The following PRUNE2 variants were observed in gnomAD, a reference collection of about 807,000 sequenced individuals.
The protein encoded by PRUNE2 is prune homolog 2 with BCH domain.
A neutral mutation model predicts 252.0 loss-of-function variants in PRUNE2; 164 were observed. The observed-to-expected ratio is 0.65, with a 90% CI of 0.57 to 0.74. The LOEUF is 0.74. PRUNE2 is among the 30% of genes least tolerant of loss of function. PRUNE2 has a pLI of 0.00. For synonymous variants in PRUNE2, 1,292 were observed against 1,350.2 expected (o/e 0.96, Z 0.94); for missense variants, 3,495 against 3,711.0 (o/e 0.94, Z 1.51).
intron 1 of PRUNE2, among the ~76,000 whole-genome samples, chr9:76,867,755 T>G (rs1189689863): frequency 1.3e-5 from 2 of 152,104 alleles, no homozygotes; most frequent in African/African-American, 4.8e-5. Flanking sequence ...GTATTTTTAG[T>G]AGAGACAGGG....
At chr9:76,630,191 A>T (rs980136934) in intron 15 of PRUNE2, among the ~76,000 whole-genome samples, 6 of 151,136 alleles carry the variant, frequency 4.0e-5, no homozygotes, top group African/African-American at 1.2e-4. Flanking sequence ...GAATCTACCA[A>T]GTTTGATGAT....
intron 4 of PRUNE2, among the ~76,000 whole-genome samples, chr9:76,837,412 G>T (rs150417443): frequency 6.7e-6 from 1 of 149,814 alleles, no homozygotes. Context: ...ATTGCACTCC[G>T]GCCTGGCGAC....
intron 6 of PRUNE2, among the ~76,000 whole-genome samples, chr9:76,771,173 T>C (rs2053062149): frequency 6.6e-6 from 1 of 152,208 alleles, no homozygotes; most frequent in Non-Finnish European, 1.5e-5. Context: ...AAATATCATA[T>C]AAATTATATT....
chr9:76,679,959 C>T (rs949907531), intron 9 of PRUNE2, among the ~76,000 whole-genome samples: 1 of 152,074 alleles, frequency 6.6e-6, no homozygotes, highest in African/African-American at 2.4e-5. Context: ...TGACAATATT[C>T]CTTGGATATG....
intron 6 of PRUNE2, among the ~76,000 whole-genome samples, chr9:76,741,181 T>A (rs1167430418): frequency 6.6e-6 from 1 of 152,034 alleles, no homozygotes; most frequent in Non-Finnish European, 1.5e-5. Flanking sequence ...ATCAGCTGAG[T>A]TTTTAATTTA....
intron 6 of PRUNE2, among the ~76,000 whole-genome samples, chr9:76,716,045 TA>T (rs1251027475): frequency 6.6e-6 from 1 of 152,070 alleles, no homozygotes; most frequent in Non-Finnish European, 1.5e-5. Context: ...CACACATTTC[TA>T]AGAGATTTTT....
chr9:76,838,102 T>A (rs985153717), intron 4 of PRUNE2, among the ~76,000 whole-genome samples: 1 of 152,098 alleles, frequency 6.6e-6, no homozygotes, highest in Non-Finnish European at 1.5e-5. Context: ...TCCAAATTTA[T>A]AATTGTATCT....
intron 6 of PRUNE2, among the ~76,000 whole-genome samples, chr9:76,725,610 T>TA (rs1415434107): frequency 1.3e-5 from 2 of 152,228 alleles, no homozygotes. Flanking sequence ...ACCACCCATC[T>TA]ATGTGTTCTT....
At chr9:76,713,076 CTTTTT>C (rs77632357) in intron 7 of PRUNE2, among the ~76,000 whole-genome samples, 1 of 146,232 alleles carries the variant, frequency 6.8e-6, no homozygotes, top group East Asian at 2.0e-4. Context: ...TTATCTAATT[CTTTTT>C]TTTTTTTATT....
intron 6 of PRUNE2, among the ~76,000 whole-genome samples, chr9:76,732,920 G>A (rs766798423): frequency 4.6e-5 from 7 of 152,168 alleles, no homozygotes; most frequent in Non-Finnish European, 7.3e-5. Flanking sequence ...ACAGACCACC[G>A]ATTTCTCTTG....
rs571987066 is a variant in PRUNE2, at chr9:76,810,875, G to A, written c.756+12757C>T. On this transcript the variant is annotated intron_variant, in intron 6 of 18. Coordinates refer to ENST00000376718, the MANE Select transcript of PRUNE2 (RefSeq NM_015225.3). ...TATAGATTTCTCTGTCACAAGAAAAGGGAACAATTTTCCTCTAGTTTCACA... is the reference window on the plus strand; with the variant it reads ...TATAGATTTCTCTGTCACAAGAAAAAGGAACAATTTTCCTCTAGTTTCACA... 5.9e-5 allele frequency among the ~76,000 whole-genome samples: 9 copies of A among 152,286 alleles called. No homozygotes were observed. The East Asian group carries it at 7.7e-4, about 13-fold the overall frequency.
chr9:76,832,393 T>C (rs2058718348), intron 4 of PRUNE2, among the ~76,000 whole-genome samples: 1 of 152,050 alleles, frequency 6.6e-6, no homozygotes, highest in African/African-American at 2.4e-5. Flanking sequence ...TTTCAAAAGG[T>C]GGCCACTATA....
chr9:76,896,196 A>C (rs72735047), intron 1 of PRUNE2, among the ~76,000 whole-genome samples: 16,622 of 152,244 alleles, frequency 0.11, 1,099 homozygotes, highest in South Asian at 0.23. Context: ...CCCTTCTGAG[A>C]AAACAAGGTT....
At chr9:76,713,143 T>A (rs1210910946) in intron 7 of PRUNE2, among the ~76,000 whole-genome samples, 1 of 152,108 alleles carries the variant, frequency 6.6e-6, no homozygotes, top group Non-Finnish European at 1.5e-5. Flanking sequence ...GATAACTGAT[T>A]ACCTAGTCAG....
At chr9:76,681,450 TA>T (rs3048258) in intron 9 of PRUNE2, among the ~76,000 whole-genome samples, 2,070 of 132,728 alleles carry the variant, frequency 0.016, 13 homozygotes, top group East Asian at 0.033. Context: ...TTACCACGAT[TA>T]AAAAAAAAAA....
rs550400054 is a variant in PRUNE2 at position 76,780,878 on chromosome 9, C to T, written c.756+42754G>A. ...GATCTGCCCAGGACCACGCAGGCTA[C>T]GCTGCAACCTAGGGTGTGCCTGCAA... On this transcript the variant is annotated intron_variant, in intron 6 of 18. Coordinates refer to ENST00000376718, the MANE Select transcript of PRUNE2 (RefSeq NM_015225.3). 8.5e-5 allele frequency among the ~76,000 whole-genome samples: 13 copies of T among 152,242 alleles called. No homozygotes were observed. In the East Asian group the frequency reaches 2.1e-3, roughly 25 times the overall value.
chr9:76,894,677 C>T (rs1384888249), intron 1 of PRUNE2, among the ~76,000 whole-genome samples: 1 of 146,628 alleles, frequency 6.8e-6, no homozygotes. Context: ...AGCCAACATG[C>T]ACTTTTCTCT....
chr9:76,780,870 G>A (rs972160343), intron 6 of PRUNE2, among the ~76,000 whole-genome samples: 1 of 152,122 alleles, frequency 6.6e-6, no homozygotes, highest in Non-Finnish European at 1.5e-5. Flanking sequence ...CCAGGACCAC[G>A]CAGGCTACGC....
chr9:76,802,421 T>C (rs1217607085), intron 6 of PRUNE2, among the ~76,000 whole-genome samples: 1 of 152,188 alleles, frequency 6.6e-6, no homozygotes, highest in African/African-American at 2.4e-5. Context: ...AAAAGTCGCA[T>C]TCCTACAGCT....
Sources: allele counts gnomAD v4.1 joint callset (sites outside exome capture counted in the v4.1 genomes callset), GRCh38; gene constraint gnomAD v4.1.1; transcripts MANE v1.5; gene names NCBI Gene and HGNC (gene_info 2026-07-23, HGNC 2026-07-21).